The following DPF3 variants were observed in gnomAD, a reference collection of about 807,000 sequenced individuals.
The protein encoded by DPF3 is zinc finger protein DPF3.
A neutral mutation model predicts 56.8 loss-of-function variants in DPF3; 18 were observed. The ratio of observed to expected loss-of-function variants is 0.32; its 90% CI spans 0.22 to 0.47. The LOEUF is 0.47. DPF3 is among the 20% of genes least tolerant of loss of function. The pLI, the probability that DPF3 is intolerant of heterozygous loss-of-function variation, is 1.00. For missense variants in DPF3, 403 were observed against 488.8 expected, an observed-to-expected ratio of 0.82 and a Z score of 1.65; for synonymous variants, 188 against 180.2, an observed-to-expected ratio of 1.04 and a Z score of -0.35.
chr14:72,835,316 T>C (rs1884245555), intron 1 of DPF3, among the ~76,000 whole-genome samples: 1 of 152,134 alleles, frequency 6.6e-6, no homozygotes, highest in Non-Finnish European at 1.5e-5. Context: ...TCCTCCCTCC[T>C]CGGCCTCCCA....
At chr14:72,827,855 G>C in intron 1 of DPF3, among the ~76,000 whole-genome samples, 1 of 152,056 alleles carries the variant, frequency 6.6e-6, no homozygotes, top group East Asian at 1.9e-4. Flanking sequence ...AGGAGGCTGA[G>C]GCAGGAGGAT....
At chr14:72,635,229 A>G (rs1885352285) in intron 8 of DPF3, among the ~76,000 whole-genome samples, 1 of 152,174 alleles carries the variant, frequency 6.6e-6, no homozygotes, top group African/African-American at 2.4e-5. Flanking sequence ...GGGAAAGGGA[A>G]ACCAATGGGT....
chr14:72,766,046 G>A (rs886719372), intron 2 of DPF3, among the ~76,000 whole-genome samples: 18 of 152,288 alleles, frequency 1.2e-4, no homozygotes, highest in Admixed American at 3.9e-4. Flanking sequence ...AAACACATAG[G>A]AAACCTTTGC....
At chr14:72,640,673 C>A (rs1231861630) in intron 8 of DPF3, among the ~76,000 whole-genome samples, 13 of 152,120 alleles carry the variant, frequency 8.5e-5, no homozygotes. Context: ...GGTTGGGCCA[C>A]AGAGTAGATG....
chr14:72,857,817 G>A (rs570094537), intron 1 of DPF3, among the ~76,000 whole-genome samples: 1 of 152,050 alleles, frequency 6.6e-6, no homozygotes, highest in Non-Finnish European at 1.5e-5. Context: ...TCAATCTCTT[G>A]ACCCTGTGAT....
At chr14:72,892,210 T>C in intron 1 of DPF3, 1 of 1,535,490 alleles carries the variant, frequency 6.5e-7, no homozygotes, top group South Asian at 1.2e-5. Context: ...CCCGGTTATG[T>C]GATTTCGGCT....
chr14:72,721,446 G>T (rs1053613254), intron 5 of DPF3, among the ~76,000 whole-genome samples: 20 of 152,272 alleles, frequency 1.3e-4, no homozygotes, highest in Admixed American at 1.0e-3. Flanking sequence ...AAAGGCCCAG[G>T]AAGTCCAAGC....
At chr14:72,736,359 A>G (rs538660190) in intron 3 of DPF3, among the ~76,000 whole-genome samples, 2 of 152,348 alleles carry the variant, frequency 1.3e-5, no homozygotes, top group East Asian at 3.9e-4. Context: ...GCTACCAGCT[A>G]CCATAATGGA....
At chr14:72,728,793 C>G (rs1166676052) in intron 4 of DPF3, among the ~76,000 whole-genome samples, 1 of 152,010 alleles carries the variant, frequency 6.6e-6, no homozygotes, top group South Asian at 2.1e-4. Context: ...TGGAAGAAAA[C>G]AGACAATAAA....
chr14:72,642,864 C>A (rs1190849366), intron 8 of DPF3, among the ~76,000 whole-genome samples: 1 of 152,244 alleles, frequency 6.6e-6, no homozygotes, highest in Admixed American at 6.5e-5. Flanking sequence ...GAAGAACCTG[C>A]AGCTAGTATT....
chr14:72,770,412 C>A lies in DPF3; in HGVS notation c.193+1321G>T, dbSNP rs140397474. Among the ~76,000 whole-genome samples the A allele has an allele frequency of 2.6e-4, 39 of 152,262 alleles. No individual in the cohort carries two copies. In the East Asian group the frequency reaches 7.1e-3, roughly 28 times the overall value. Reference sequence around the variant, plus strand: ...GCAATGTAGGGTTCCCATTTGGATCCTGATTTAAACTACAGGGGGAAAAAT... The same window carrying A: ...GCAATGTAGGGTTCCCATTTGGATCATGATTTAAACTACAGGGGGAAAAAT... On this transcript the variant is annotated intron_variant, in intron 2 of 10. Coordinates refer to ENST00000556509, the MANE Select transcript of DPF3 (RefSeq NM_001280542.3).
At chr14:72,889,997 A>G (rs1027288252) in intron 1 of DPF3, among the ~76,000 whole-genome samples, 4 of 152,130 alleles carry the variant, frequency 2.6e-5, no homozygotes, top group Non-Finnish European at 4.4e-5. Context: ...AATAATAATA[A>G]TTTTTTTCTA....
intron 2 of DPF3, among the ~76,000 whole-genome samples, chr14:72,767,781 C>A (rs1195493189): frequency 5.8e-4 from 36 of 62,040 alleles, no homozygotes; most frequent in Middle Eastern, 9.8e-3. Flanking sequence ...AAAAAAAAAC[C>A]CCATAAACCC....
At chr14:72,723,040 AT>A (rs893261503) in intron 5 of DPF3, among the ~76,000 whole-genome samples, 23 of 128,282 alleles carry the variant, frequency 1.8e-4, no homozygotes, top group African/African-American at 6.6e-4. Context: ...TGGTTTATTT[AT>A]TTTTTTTATT....
intron 9 of DPF3, among the ~76,000 whole-genome samples, chr14:72,622,342 T>C (rs578239134): frequency 6.6e-6 from 1 of 152,240 alleles, no homozygotes; most frequent in East Asian, 1.9e-4. Context: ...AGAGGTGGGA[T>C]GAAGACGAGC....
At position 72,619,312 on chromosome 14, in the gene DPF3, A is replaced by G. The variant is rs1260342018; in HGVS notation, c.1122T>C (p.Phe374=). 6.5e-7 allele frequency: 1 copy of G among 1,536,120 alleles called. No individual in the cohort carries two copies. Among genetic ancestry groups the G allele is most frequent in the East Asian group, 2.4e-5 (1 of 40,922 alleles). ...ACCTGGGGCCCTAGGCCTGGCAGCCAAAGGCTGAGGCTTTCTCTTTGAGCA... is the reference window on the plus strand; with the variant it reads ...ACCTGGGGCCCTAGGCCTGGCAGCCGAAGGCTGAGGCTTTCTCTTTGAGCA... ...WELLKEKASA[F]GCQA Residue 374 remains phenylalanine, a synonymous_variant, in exon 11 of 11, where the codon TTT becomes TTC. Transcript: ENST00000556509.
At chr14:72,816,221 A>G (rs1883278046) in intron 1 of DPF3, among the ~76,000 whole-genome samples, 1 of 152,226 alleles carries the variant, frequency 6.6e-6, no homozygotes, top group Admixed American at 6.5e-5. Flanking sequence ...CTGTGGAGCC[A>G]GGCAGAACCC....
At chr14:72,683,195 T>C (rs572782749) in intron 7 of DPF3, among the ~76,000 whole-genome samples, 1 of 151,960 alleles carries the variant, frequency 6.6e-6, no homozygotes, top group Admixed American at 6.6e-5. Context: ...GGTGTGGTGG[T>C]GCACACCTGT....
chr14:72,795,496 C>G (rs368153532), intron 1 of DPF3, among the ~76,000 whole-genome samples: 2 of 152,054 alleles, frequency 1.3e-5, no homozygotes, highest in African/African-American at 4.8e-5. Flanking sequence ...AAAATGCACG[C>G]AGAATCTTTC....
Sources: gnomAD v4.1 joint callset for allele counts (sites outside exome capture counted in the v4.1 genomes callset) on GRCh38, gnomAD v4.1.1 for gene constraint, MANE v1.5 for transcripts, NCBI Gene and HGNC (gene_info 2026-07-23, HGNC 2026-07-21) for gene names.